IFT80: variants seen among roughly 807,000 people sequenced by gnomAD.
IFT80 encodes intraflagellar transport protein 80 homolog.
Under a neutral mutation model 107.9 loss-of-function variants are expected in IFT80, and 79 were observed. The ratio of observed to expected loss-of-function variants is 0.73; its 90% CI spans 0.61 to 0.88. The LOEUF (loss-of-function observed/expected upper bound fraction) is 0.88, where lower values mean the gene tolerates loss of function less well. IFT80 is among the 40% of genes least tolerant of loss of function. IFT80 has a pLI of 0.00. For missense variants in IFT80, 797 were observed against 914.2 expected, an observed-to-expected ratio of 0.87 and a Z score of 1.65; for synonymous variants, 299 against 300.9, an observed-to-expected ratio of 0.99 and a Z score of 0.07.
chr3:160,357,535 G>A lies in IFT80; in HGVS notation c.593C>T (p.Ser198Leu), dbSNP rs370411287. 100 of 1,597,838 alleles carry A rather than the reference G, an allele frequency of 6.3e-5. No homozygotes were observed. Among genetic ancestry groups the A allele is most frequent in the Non-Finnish European group, 7.9e-5 (92 of 1,165,824 alleles). ...AGCAGATAAAATAAGATCATTGACC[G>A]AGTTCCAATCTACTTTTAAAATAAT... The part of the protein sequence containing the change: ...DGIILKVDWN[S>L]VNDLILSAGE... Residue 198 changes from serine (S) to leucine (L), a missense_variant, in exon 7 of 20, where the codon TCG becomes TTG. By Grantham distance (145) the Ser-to-Leu change is moderately radical. Transcript: ENST00000326448.
intron 11 of IFT80, among the ~76,000 whole-genome samples, chr3:160,302,534 CT>C (rs560557189): frequency 3.3e-5 from 5 of 152,024 alleles, no homozygotes; most frequent in African/African-American, 1.2e-4. Context: ...GGGCAAACAT[CT>C]CTATATACAT....
At chr3:160,374,139 G>T (rs1295182442) in intron 5 of IFT80, among the ~76,000 whole-genome samples, 1 of 152,050 alleles carries the variant, frequency 6.6e-6, no homozygotes, top group African/African-American at 2.4e-5. Flanking sequence ...CTGGTGAAGG[G>T]TCTCGGGAAA....
chr3:160,377,291 T>C, intron 4 of IFT80, 139 bp downstream of exon 4: 1 of 611,434 alleles, frequency 1.6e-6, no homozygotes, highest in Non-Finnish European at 2.9e-6. Flanking sequence ...AACATTTATA[T>C]AGCAGTGTAG....
rs1453322390 is a variant in IFT80, at chr3:160,258,335, TATAAA to T, written c.*185_*189del. ...TTTTGCTAATTATTGGACTAAAAAA[TATAAA>T]AGATAGAAATACATCAATTACTTTG... On this transcript the variant is annotated 3_prime_UTR_variant, in exon 20 of 20. Coordinates refer to ENST00000326448, the MANE Select transcript of IFT80 (RefSeq NM_020800.3). 1.4e-6 allele frequency: 1 copy of T among 715,270 alleles called. No individual in the cohort carries two copies. Among genetic ancestry groups the T allele is most frequent in the East Asian group, 2.7e-5 (1 of 36,418 alleles). The allele number at this position is 715,270 out of a possible 1,614,324, so 44.3% of individuals were successfully genotyped here.
intron 15 of IFT80, among the ~76,000 whole-genome samples, chr3:160,280,268 T>C (rs1383147126): frequency 6.6e-6 from 1 of 152,198 alleles, no homozygotes; most frequent in African/African-American, 2.4e-5. Flanking sequence ...AAAAATTCAA[T>C]TCTAGAGACA....
At chr3:160,346,732 C>T (rs1489430039) in intron 8 of IFT80, among the ~76,000 whole-genome samples, 1 of 151,262 alleles carries the variant, frequency 6.6e-6, no homozygotes, top group Admixed American at 6.6e-5. Flanking sequence ...CCAGACAGAG[C>T]CAAAAAGAAA....
intron 2 of IFT80, chr3:160,383,942 G>T (rs1434806915): frequency 4.5e-5 from 44 of 985,308 alleles, no homozygotes; most frequent in Non-Finnish European, 5.2e-5. Context: ...AAACAGTTTG[G>T]TTTAAAAAAT....
rs533093540 is a variant in IFT80, at chr3:160,257,039, T to A, written c.*1486A>T. The A allele has an allele frequency of 1.3e-5, 2 of 152,108 alleles. No homozygotes were observed. Among genetic ancestry groups the A allele is most frequent in the Non-Finnish European group, 2.9e-5 (2 of 68,008 alleles). The allele number at this position is 152,108 out of a possible 1,614,324, so 9.4% of individuals were successfully genotyped here. A position where few individuals can be genotyped will look rare whatever the true frequency, so the allele number is the denominator to read the frequency against. ...TGCATTTATTGTGGTAAAATATACA[T>A]AACATAAAACCTTTTAACCATTTAT... is the stretch of plus-strand genomic sequence containing the variant. On this transcript the variant is annotated 3_prime_UTR_variant, in exon 20 of 20. Coordinates refer to ENST00000326448, the MANE Select transcript of IFT80 (RefSeq NM_020800.3).
chr3:160,309,941 C>G (rs1457668918), intron 9 of IFT80, among the ~76,000 whole-genome samples: 1 of 151,944 alleles, frequency 6.6e-6, no homozygotes, highest in Non-Finnish European at 1.5e-5. Context: ...GAGTAAAACT[C>G]TATAATCTTA....
chr3:160,302,701 ATTT>A (rs891557987), intron 11 of IFT80, among the ~76,000 whole-genome samples: 77 of 152,236 alleles, frequency 5.1e-4, no homozygotes, highest in African/African-American at 1.8e-3. Context: ...CAGAAACATG[ATTT>A]TTTAGATAGC....
At chr3:160,358,065 A>G (rs1269436837) in intron 6 of IFT80, among the ~76,000 whole-genome samples, 2 of 152,000 alleles carry the variant, frequency 1.3e-5, no homozygotes, top group Admixed American at 6.6e-5. Flanking sequence ...TTGGAGTTCA[A>G]TGATGTGATC....
chr3:160,329,320 T>G (rs1052612774), intron 8 of IFT80, among the ~76,000 whole-genome samples: 1 of 152,216 alleles, frequency 6.6e-6, no homozygotes, highest in Non-Finnish European at 1.5e-5. Flanking sequence ...GGTTCACATT[T>G]GTATTACTAC....
chr3:160,262,278 T>C (rs188938050), intron 19 of IFT80, among the ~76,000 whole-genome samples: 5 of 152,264 alleles, frequency 3.3e-5, no homozygotes, highest in African/African-American at 9.6e-5. Flanking sequence ...AGACTGTTTT[T>C]AGAGAAGTGA....
At chr3:160,390,384 TC>T (rs1323484503) in intron 1 of IFT80, among the ~76,000 whole-genome samples, 1 of 147,384 alleles carries the variant, frequency 6.8e-6, no homozygotes, top group Non-Finnish European at 1.5e-5. Context: ...ACCATTGCAC[TC>T]CAGCCTGGGC....
intron 12 of IFT80, among the ~76,000 whole-genome samples, chr3:160,288,553 A>C (rs1715276360): frequency 6.6e-6 from 1 of 152,174 alleles, no homozygotes; most frequent in Admixed American, 6.5e-5. Flanking sequence ...TAAACAGACA[A>C]CCTACAGAAT....
intron 9 of IFT80, among the ~76,000 whole-genome samples, chr3:160,310,596 T>C (rs1172672894): frequency 1.3e-5 from 2 of 152,026 alleles, no homozygotes; most frequent in Admixed American, 6.6e-5. Flanking sequence ...CAATGAAAAA[T>C]AGGTCTAAAC....
chr3:160,375,067 G>A (rs1484270072), intron 5 of IFT80, among the ~76,000 whole-genome samples: 3 of 152,080 alleles, frequency 2.0e-5, no homozygotes, highest in East Asian at 1.9e-4. Flanking sequence ...GTCAGTTATC[G>A]AAAATGTTTC....
intron 9 of IFT80, among the ~76,000 whole-genome samples, chr3:160,308,419 G>T (rs1437723413): frequency 3.9e-5 from 6 of 152,094 alleles, no homozygotes; most frequent in Admixed American, 2.6e-4. Flanking sequence ...AGACTATTTT[G>T]CAAGGATTTT....
At chr3:160,345,824 T>C (rs1179428168) in intron 8 of IFT80, among the ~76,000 whole-genome samples, 1 of 152,122 alleles carries the variant, frequency 6.6e-6, no homozygotes. Flanking sequence ...AGATCTACTA[T>C]TATTTGATAG....
Sources: gnomAD v4.1 joint callset for allele counts (sites outside exome capture counted in the v4.1 genomes callset) on GRCh38, gnomAD v4.1.1 for gene constraint, MANE v1.5 for transcripts, NCBI Gene and HGNC (gene_info 2026-07-23, HGNC 2026-07-21) for gene names.